The following IL1RAPL2 variants were observed in gnomAD, a reference collection of about 807,000 sequenced individuals.
IL1RAPL2 encodes the protein X-linked interleukin-1 receptor accessory protein-like 2.
A neutral mutation model predicts 44.1 loss-of-function variants in IL1RAPL2; 3 were observed. The ratio of observed to expected loss-of-function variants is 0.07; its 90% CI spans 0.03 to 0.18. The LOEUF (loss-of-function observed/expected upper bound fraction) is 0.18, where lower values mean the gene tolerates loss of function less well. IL1RAPL2 is among the 10% of genes least tolerant of loss of function. The pLI is 1.00. For missense variants in IL1RAPL2, 391 were observed against 496.4 expected (o/e 0.79, Z 2.02); for synonymous variants, 181 against 178.8 (o/e 1.01, Z -0.10).
intron 2 of IL1RAPL2, among the ~76,000 whole-genome samples, chrX:104,819,166 A>G (rs1921231769): frequency 1.8e-5 from 2 of 112,487 alleles, no homozygotes; most frequent in South Asian, 3.7e-4. Context: ...TCAATTTACA[A>G]TAGGATTACG....
chrX:105,489,890 T>C (rs1005038249), intron 6 of IL1RAPL2, among the ~76,000 whole-genome samples: 1 of 105,906 alleles, frequency 9.4e-6, no homozygotes, highest in Admixed American at 1.0e-4. Flanking sequence ...TGCAGTGGCA[T>C]GATCTCGACT....
At chrX:104,976,304 G>A (rs2030333498) in intron 2 of IL1RAPL2, among the ~76,000 whole-genome samples, 1 of 111,048 alleles carries the variant, frequency 9.0e-6, no homozygotes, top group South Asian at 3.8e-4. Context: ...CTTTTTCTAA[G>A]TCTAATGAGA....
chrX:104,965,454 T>C (rs1407332635), intron 2 of IL1RAPL2, among the ~76,000 whole-genome samples: 1 of 111,523 alleles, frequency 9.0e-6, no homozygotes, highest in Non-Finnish European at 1.9e-5. Context: ...CAGATTTGTA[T>C]CACCACAGGA....
At chrX:105,203,524 A>T (rs1312033501) in intron 3 of IL1RAPL2, among the ~76,000 whole-genome samples, 1 of 17,220 alleles carries the variant, frequency 5.8e-5, no homozygotes, top group African/African-American at 3.0e-4. Context: ...ACTATTTATA[A>T]AAAAAAGTGT....
At chrX:105,502,160 T>G (rs1156800290) in intron 6 of IL1RAPL2, among the ~76,000 whole-genome samples, 1 of 112,222 alleles carries the variant, frequency 8.9e-6, no homozygotes, top group Non-Finnish European at 1.9e-5. Context: ...TATTGTATAA[T>G]TCTTGTAATC....
chrX:105,421,063 G>A (rs1602404597), intron 5 of IL1RAPL2, among the ~76,000 whole-genome samples: 1 of 111,939 alleles, frequency 8.9e-6, no homozygotes, highest in East Asian at 2.8e-4. Context: ...GTGTCCTGAT[G>A]ACATGTGCCC....
intron 1 of IL1RAPL2, among the ~76,000 whole-genome samples, chrX:104,612,623 T>A (rs1213883977): frequency 2.7e-5 from 3 of 111,962 alleles, no homozygotes; most frequent in African/African-American, 9.7e-5. Flanking sequence ...TGCCTCCAGC[T>A]TTCTTTTTGT....
At chrX:105,441,697 C>T (rs1410271848) in intron 5 of IL1RAPL2, among the ~76,000 whole-genome samples, 1 of 111,571 alleles carries the variant, frequency 9.0e-6, no homozygotes, top group Non-Finnish European at 1.9e-5. Flanking sequence ...ATGACAAGTT[C>T]CCAAAGACAT....
chrX:105,317,086 A>AT (rs1252883974), intron 5 of IL1RAPL2, among the ~76,000 whole-genome samples: 1 of 111,651 alleles, frequency 9.0e-6, no homozygotes, highest in African/African-American at 3.3e-5. Context: ...GCTCATAATA[A>AT]TTTTTTTAAA....
chrX:105,326,296 A>G (rs1274733065), intron 5 of IL1RAPL2, among the ~76,000 whole-genome samples: 1 of 110,881 alleles, frequency 9.0e-6, no homozygotes, highest in Non-Finnish European at 1.9e-5. Context: ...GCCTCAAGCA[A>G]TCCTCCTGCC....
At chrX:105,270,899 TC>T (rs1208180328) in intron 5 of IL1RAPL2, among the ~76,000 whole-genome samples, 1 of 111,826 alleles carries the variant, frequency 8.9e-6, no homozygotes, top group Non-Finnish European at 1.9e-5. Flanking sequence ...AAATAGAGGT[TC>T]TTTAAATGGT....
chrX:105,550,013 A>G (rs1318245820), intron 6 of IL1RAPL2, among the ~76,000 whole-genome samples: 1 of 112,264 alleles, frequency 8.9e-6, no homozygotes, highest in East Asian at 2.8e-4. Flanking sequence ...GCCAGGCTTT[A>G]TACTGAGATA....
At chrX:104,722,401 A>G (rs1931698440) in intron 2 of IL1RAPL2, among the ~76,000 whole-genome samples, 1 of 111,727 alleles carries the variant, frequency 9.0e-6, no homozygotes, top group African/African-American at 3.2e-5. Context: ...GAAACATGGG[A>G]TGGGCTGGAT....
At position 104,803,425 on chromosome X, in the gene IL1RAPL2, G is replaced by C. The variant is rs1361277689; in HGVS notation, c.82+144430G>C. Among the ~76,000 whole-genome samples, 3 of 111,999 alleles carry C rather than the reference G, an allele frequency of 2.7e-5. No homozygotes were observed. The Admixed American group carries it at 2.9e-4, about 11-fold the overall frequency. On this transcript the variant is annotated intron_variant, in intron 2 of 10. Transcript: ENST00000372582. ...AAGATCTTCTCTGCCAGGCTCTATT[G>C]GAATAGGTGCCAGCTTCTCACTACT...
At chrX:105,101,215 G>A (rs756123798) in intron 2 of IL1RAPL2, among the ~76,000 whole-genome samples, 3 of 112,127 alleles carry the variant, frequency 2.7e-5, no homozygotes, top group South Asian at 7.4e-4. Context: ...TGGGCTCCCA[G>A]AAGATTAGGT....
chrX:105,484,597 C>T (rs185610258), intron 6 of IL1RAPL2, among the ~76,000 whole-genome samples: 1 of 112,151 alleles, frequency 8.9e-6, no homozygotes, highest in African/African-American at 3.2e-5. Context: ...TAATTAGTTA[C>T]ACTGGGTATT....
chrX:105,367,622 C>T (rs1443353411), intron 5 of IL1RAPL2, among the ~76,000 whole-genome samples: 2 of 111,715 alleles, frequency 1.8e-5, no homozygotes, highest in Admixed American at 9.5e-5. Flanking sequence ...TGAACACTTG[C>T]ACACACTCTA....
intron 2 of IL1RAPL2, among the ~76,000 whole-genome samples, chrX:105,113,870 G>A (rs2032825942): frequency 8.9e-6 from 1 of 111,937 alleles, no homozygotes; most frequent in Non-Finnish European, 1.9e-5. Flanking sequence ...TGGGGCCCAT[G>A]AAAGCTATTT....
intron 5 of IL1RAPL2, among the ~76,000 whole-genome samples, chrX:105,393,864 G>A (rs768383153): frequency 1.8e-5 from 2 of 111,882 alleles, no homozygotes; most frequent in African/African-American, 3.2e-5. Flanking sequence ...ACTACACTCC[G>A]AGGGCATTAT....
Sources: gnomAD v4.1 joint callset for allele counts (sites outside exome capture counted in the v4.1 genomes callset) on GRCh38, gnomAD v4.1.1 for gene constraint, MANE v1.5 for transcripts, NCBI Gene and HGNC (gene_info 2026-07-23, HGNC 2026-07-21) for gene names.